CPEB3: variants seen among roughly 807,000 people sequenced by gnomAD.
CPEB3 encodes the protein cytoplasmic polyadenylation element binding protein 3.
In CPEB3, 20 loss-of-function variants were observed where a neutral mutation model predicts 67.2. The ratio of observed to expected loss-of-function variants is 0.30; its 90% CI spans 0.21 to 0.43. The LOEUF (loss-of-function observed/expected upper bound fraction) is 0.43, where lower values mean the gene tolerates loss of function less well. Among genes scored for constraint, CPEB3 ranks in the 20% least tolerant of loss-of-function variants. The pLI is 1.00. For synonymous variants in CPEB3, 376 were observed against 393.1 expected (o/e 0.96, Z 0.51); for missense variants, 746 against 968.6 (o/e 0.77, Z 3.05).
At chr10:92,281,331 C>A (rs371813502) in intron 1 of CPEB3, among the ~76,000 whole-genome samples, 1 of 151,638 alleles carries the variant, frequency 6.6e-6, no homozygotes, top group African/African-American at 2.4e-5. Flanking sequence ...CTTGCCTCAA[C>A]TGATTCTCCC....
At chr10:92,148,376 C>T (rs1400716578) in intron 4 of CPEB3, among the ~76,000 whole-genome samples, 14 of 152,160 alleles carry the variant, frequency 9.2e-5, no homozygotes. Flanking sequence ...CTCCAATTTC[C>T]TAATTAATTC....
chr10:92,256,934 G>A (rs1376650587), intron 1 of CPEB3, among the ~76,000 whole-genome samples: 1 of 152,180 alleles, frequency 6.6e-6, no homozygotes, highest in East Asian at 1.9e-4. Context: ...CCCAGGTACT[G>A]GGCCTAAAAC....
rs1349523963 is a variant in CPEB3, at chr10:92,258,628, ATAT to A, written c.-11-18270_-11-18268del. ...CAGACTTCAATTATATTTTTTGAAT[ATAT>A]ATATATATATATATATATATATATA... On this transcript the variant is annotated intron_variant, in intron 1 of 9. Coordinates refer to ENST00000265997, the MANE Select transcript of CPEB3 (RefSeq NM_014912.5). Among the ~76,000 whole-genome samples, 409 of 84,132 alleles carry A rather than the reference ATAT, an allele frequency of 4.9e-3. 63 individuals carry two copies. The highest frequency in any genetic ancestry group is 0.016 in the African/African-American group (292 of 17,904). 55.2% of individuals were successfully genotyped at this position (84,132 alleles called of 152,430 possible).
At chr10:92,063,207 G>C (rs1283024152) in intron 9 of CPEB3, among the ~76,000 whole-genome samples, 1 of 152,132 alleles carries the variant, frequency 6.6e-6, no homozygotes, top group East Asian at 1.9e-4. Context: ...CAGTCATTTT[G>C]TTATTACTCA....
At chr10:92,080,633 G>T (rs558544430) in intron 9 of CPEB3, among the ~76,000 whole-genome samples, 2 of 151,106 alleles carry the variant, frequency 1.3e-5, no homozygotes, top group African/African-American at 4.9e-5. Flanking sequence ...TCGCTCTGTC[G>T]CCCAGGCTGG....
At chr10:92,232,839 T>C (rs1276914518) in intron 2 of CPEB3, among the ~76,000 whole-genome samples, 2 of 152,132 alleles carry the variant, frequency 1.3e-5, no homozygotes, top group Non-Finnish European at 1.5e-5. Context: ...TGTCAGAGGA[T>C]ATCTAAATTA....
chr10:92,199,239 A>G (rs1228311468), intron 2 of CPEB3, among the ~76,000 whole-genome samples: 1 of 151,790 alleles, frequency 6.6e-6, no homozygotes, highest in East Asian at 1.9e-4. Flanking sequence ...AAAAAATCCA[A>G]AATTAGTCAG....
intron 2 of CPEB3, among the ~76,000 whole-genome samples, chr10:92,193,857 C>T (rs1462921882): frequency 1.3e-5 from 2 of 149,740 alleles, no homozygotes; most frequent in Admixed American, 6.7e-5. Flanking sequence ...AGTGCAGTGG[C>T]GCAATCTTGG....
intron 2 of CPEB3, among the ~76,000 whole-genome samples, chr10:92,215,973 C>G (rs1850360342): frequency 6.7e-6 from 1 of 149,344 alleles, no homozygotes; most frequent in Admixed American, 6.7e-5. Flanking sequence ...TGGTCTCCAT[C>G]TCCTGACCTC....
intron 4 of CPEB3, among the ~76,000 whole-genome samples, chr10:92,158,315 G>A (rs917991342): frequency 6.6e-6 from 1 of 152,182 alleles, no homozygotes; most frequent in East Asian, 1.9e-4. Flanking sequence ...CAGATACAAT[G>A]GATGTTTCAG....
chr10:92,112,126 CTTTTTT>C (rs201432910), intron 6 of CPEB3, among the ~76,000 whole-genome samples: 1 of 122,032 alleles, frequency 8.2e-6, no homozygotes, highest in African/African-American at 2.9e-5. Context: ...GACCACGTTC[CTTTTTT>C]TTTTTTTTTT....
At chr10:92,143,194 G>T in intron 5 of CPEB3, 76 bp from the exon 6 acceptor site, 1 of 1,083,080 alleles carries the variant, frequency 9.2e-7, no homozygotes, top group Non-Finnish European at 1.4e-6. Flanking sequence ...CACAAAACAT[G>T]TCTTTTTAGT....
rs138775820 is a variant in CPEB3, at chr10:92,236,190, A to G, written c.1005+3156T>C. On this transcript the variant is annotated intron_variant, in intron 2 of 9. Coordinates refer to ENST00000265997, the MANE Select transcript of CPEB3 (RefSeq NM_014912.5). ...CACTAAGTCCCTCTGAATGGAGTCC[A>G]AAGAGAATCTTACTTAAAATGAATT... 2.2e-3 allele frequency among the ~76,000 whole-genome samples: 333 copies of G among 152,290 alleles called. 1 individual carries two copies. Among genetic ancestry groups the G allele is most frequent in the African/African-American group, 7.7e-3 (322 of 41,554 alleles).
intron 2 of CPEB3, among the ~76,000 whole-genome samples, chr10:92,205,116 G>C (rs1196517774): frequency 2.0e-5 from 3 of 152,162 alleles, no homozygotes; most frequent in Non-Finnish European, 4.4e-5. Flanking sequence ...GGGATTACAG[G>C]TGCAGCTGTC....
intron 1 of CPEB3, among the ~76,000 whole-genome samples, chr10:92,251,013 G>A (rs1006810869): frequency 1.1e-4 from 16 of 152,092 alleles, no homozygotes; most frequent in Admixed American, 1.0e-3. Flanking sequence ...TTACAGGCAT[G>A]AGCCACCATG....
At chr10:92,181,047 A>C (rs888165525) in intron 3 of CPEB3, 28 bp from the exon 4 acceptor site, 18 of 1,221,280 alleles carry the variant, frequency 1.5e-5, no homozygotes, top group Non-Finnish European at 2.2e-5. Flanking sequence ...TTTAAGCAAA[A>C]AGAATGTTTA....
chr10:92,192,431 T>C, intron 3 of CPEB3, 46 bp downstream of exon 3: 2 of 1,535,562 alleles, frequency 1.3e-6, no homozygotes, highest in Non-Finnish European at 1.8e-6. Context: ...AAGCTGATTT[T>C]TGCTTAAAAC....
At chr10:92,227,887 G>A (rs952692507) in intron 2 of CPEB3, among the ~76,000 whole-genome samples, 18 of 145,842 alleles carry the variant, frequency 1.2e-4, no homozygotes, top group Non-Finnish European at 2.3e-4. Flanking sequence ...CACCGCGCCC[G>A]GCCTATTTTT....
intron 1 of CPEB3, among the ~76,000 whole-genome samples, chr10:92,258,089 AT>A (rs1393804219): frequency 6.8e-6 from 1 of 148,028 alleles, no homozygotes; most frequent in African/African-American, 2.5e-5. Flanking sequence ...TAATATATGT[AT>A]TTTTTTCTTT....
Sources: gnomAD v4.1 joint callset for allele counts (sites outside exome capture counted in the v4.1 genomes callset) on GRCh38, gnomAD v4.1.1 for gene constraint, MANE v1.5 for transcripts, NCBI Gene and HGNC (gene_info 2026-07-23, HGNC 2026-07-21) for gene names.